Variants in ENKUR observed in about 807,000 individuals in gnomAD.
ENKUR encodes enkurin, TRPC channel interacting protein, also known as enkurin.
ENKUR carries 19 observed loss-of-function variants against 27.6 expected under a neutral mutation model. The ratio of observed to expected loss-of-function variants is 0.69; its 90% confidence interval spans 0.48 to 1.01. ENKUR has a LOEUF of 1.01. Among genes scored for constraint, ENKUR ranks in the 50% least tolerant of loss-of-function variants. The probability of loss-of-function intolerance (pLI) is 0.00; values close to 1 mark genes in which losing one functional copy is unlikely to be tolerated. For missense variants in ENKUR, 312 were observed against 310.5 expected, an observed-to-expected ratio of 1.00 and a Z score of -0.04; for synonymous variants, 117 against 96.9, an observed-to-expected ratio of 1.21 and a Z score of -1.22.
At chr10:25,020,344 G>A (rs1441919026), upstream of ENKUR, among the ~76,000 whole-genome samples, 2 of 151,714 alleles carry the variant, frequency 1.3e-5, no homozygotes, top group African/African-American at 2.4e-5. Context: ...GGGTAGAGGG[G>A]AACTAACATA....
At chr10:25,034,848 A>G (rs1307935869) in intron 2 of ENKUR, among the ~76,000 whole-genome samples, 2 of 152,206 alleles carry the variant, frequency 1.3e-5, no homozygotes, top group African/African-American at 2.4e-5. Flanking sequence ...GTTGCCTACT[A>G]TGAAGAAACA....
rs1451956239 is a variant in ENKUR at position 25,015,938 on chromosome 10, G to A, written c.-2C>T. The stretch of plus-strand genomic sequence containing the variant: ...CTCAGAAGAGCACGTTGGATCCATG[G>A]CCACCAAATGACTCCTTAAAAGCTA... On this transcript the variant is annotated 5_prime_UTR_variant, in exon 1 of 6. Transcript: ENST00000331161. 6.2e-7 allele frequency: 1 copy of A among 1,604,762 alleles called. No homozygotes were observed. The highest frequency in any genetic ancestry group is 1.7e-5 in the Admixed American group (1 of 58,818).
intron 2 of ENKUR, chr10:25,024,118 T>G (rs764852189): frequency 6.2e-6 from 10 of 1,614,044 alleles, no homozygotes; most frequent in Non-Finnish European, 8.5e-6. Context: ...GTTGGAAAGA[T>G]GTATCCATCC....
intron 3 of ENKUR, among the ~76,000 whole-genome samples, chr10:24,991,518 A>C (rs551996963): frequency 6.6e-6 from 1 of 152,134 alleles, no homozygotes; most frequent in Admixed American, 6.5e-5. Flanking sequence ...AAAAGAGCAC[A>C]CCAATGGGCA....
chr10:25,011,718 C>A (rs371125009), intron 1 of ENKUR, among the ~76,000 whole-genome samples: 1 of 152,046 alleles, frequency 6.6e-6, no homozygotes, highest in South Asian at 2.1e-4. Flanking sequence ...GCAACAAAAG[C>A]CAAAATTGAC....
chr10:25,017,181 A>G (rs1264893478), upstream of ENKUR, among the ~76,000 whole-genome samples: 1 of 152,196 alleles, frequency 6.6e-6, no homozygotes, highest in Non-Finnish European at 1.5e-5. Context: ...GAAGCCTTTT[A>G]AGTGGGCCTT....
intron 1 of ENKUR, among the ~76,000 whole-genome samples, chr10:25,007,348 T>A (rs952273779): frequency 6.6e-6 from 1 of 152,242 alleles, no homozygotes; most frequent in Non-Finnish European, 1.5e-5. Flanking sequence ...TCAACATTTT[T>A]ATGTATATAT....
chr10:25,058,802 A>G (rs1481074214), intron 2 of ENKUR, among the ~76,000 whole-genome samples: 1 of 152,026 alleles, frequency 6.6e-6, no homozygotes, highest in Non-Finnish European at 1.5e-5. Flanking sequence ...GTAGTGGCTC[A>G]TGCCTGTAGT....
intron 2 of ENKUR, among the ~76,000 whole-genome samples, chr10:25,048,818 T>G (rs1851150338): frequency 1.3e-5 from 2 of 151,980 alleles, no homozygotes; most frequent in Admixed American, 6.6e-5. Flanking sequence ...TGAGGTCTTT[T>G]TATATCTTTA....
chr10:25,008,927 T>C (rs1388365863), intron 1 of ENKUR, among the ~76,000 whole-genome samples: 2 of 152,136 alleles, frequency 1.3e-5, no homozygotes, highest in African/African-American at 2.4e-5. Flanking sequence ...TATGCAGCCA[T>C]AAAAAATGAT....
At chr10:25,051,709 A>G (rs1441046797) in intron 2 of ENKUR, among the ~76,000 whole-genome samples, 1 of 152,220 alleles carries the variant, frequency 6.6e-6, no homozygotes, top group Admixed American at 6.5e-5. Context: ...GGGGATTACA[A>G]TTCAAGAGGA....
At chr10:24,995,287 A>C (rs1396931300) in intron 3 of ENKUR, among the ~76,000 whole-genome samples, 2 of 152,206 alleles carry the variant, frequency 1.3e-5, no homozygotes, top group Non-Finnish European at 2.9e-5. Flanking sequence ...AAATCTTAAG[A>C]CCATCTGACA....
intron 1 of ENKUR, among the ~76,000 whole-genome samples, chr10:25,015,657 C>T (rs778529758): frequency 1.3e-5 from 2 of 152,162 alleles, no homozygotes; most frequent in Admixed American, 1.3e-4. Flanking sequence ...CTCACAGCGC[C>T]AGACTGCCCT....
At chr10:25,007,126 C>A (rs904379251) in intron 1 of ENKUR, among the ~76,000 whole-genome samples, 1 of 152,160 alleles carries the variant, frequency 6.6e-6, no homozygotes, top group Admixed American at 6.5e-5. Context: ...TTTGAGTCAT[C>A]ATGTCTAGAC....
intron 2 of ENKUR, among the ~76,000 whole-genome samples, chr10:25,052,565 G>C (rs531562427): frequency 5.1e-4 from 77 of 152,226 alleles, no homozygotes; most frequent in South Asian, 8.3e-4. Context: ...CCAGCAGTTT[G>C]AGACCAGCCT....
intron 2 of ENKUR, among the ~76,000 whole-genome samples, chr10:25,031,923 C>T (rs1290819390): frequency 6.6e-6 from 1 of 152,040 alleles, no homozygotes; most frequent in African/African-American, 2.4e-5. Context: ...ATCCTCCCAC[C>T]TCAGCCTCCC....
intron 2 of ENKUR, among the ~76,000 whole-genome samples, chr10:25,053,256 T>G (rs2130489478): frequency 6.6e-6 from 1 of 152,346 alleles, no homozygotes; most frequent in Non-Finnish European, 1.5e-5. Context: ...ATCAAGCGAA[T>G]TAACATATCC....
intron 3 of ENKUR, among the ~76,000 whole-genome samples, 199 bp downstream of exon 3, chr10:24,995,447 T>C (rs1462109389): frequency 1.3e-5 from 2 of 152,220 alleles, no homozygotes; most frequent in Non-Finnish European, 2.9e-5. Context: ...CTGAACTATA[T>C]GGAATTGTTT....
intron 2 of ENKUR, among the ~76,000 whole-genome samples, chr10:25,048,922 G>C (rs1851152189): frequency 6.6e-6 from 1 of 151,990 alleles, no homozygotes; most frequent in East Asian, 1.9e-4. Flanking sequence ...ATGGGGAAAA[G>C]GGAGGAAATG....
Sources: gnomAD v4.1 joint callset for allele counts (sites outside exome capture counted in the v4.1 genomes callset) on GRCh38, gnomAD v4.1.1 for gene constraint, MANE v1.5 for transcripts, NCBI Gene and HGNC (gene_info 2026-07-23, HGNC 2026-07-21) for gene names.